SLC39A11: variants seen among roughly 807,000 people sequenced by gnomAD.
SLC39A11 encodes the protein zinc transporter ZIP11.
A neutral mutation model predicts 36.1 loss-of-function variants in SLC39A11; 33 were observed. That is an observed-to-expected ratio of 0.91 (90% CI 0.69 to 1.22). The LOEUF (loss-of-function observed/expected upper bound fraction) is 1.22. Ranked by LOEUF, SLC39A11 falls within the 50% of genes most tolerant of loss-of-function variation. The pLI, the probability that SLC39A11 is intolerant of heterozygous loss-of-function variation, is 0.00. For synonymous variants in SLC39A11, 166 were observed against 170.3 expected, an observed-to-expected ratio of 0.97 and a Z score of 0.20; for missense variants, 432 against 430.3, an observed-to-expected ratio of 1.00 and a Z score of -0.03.
At chr17:72,698,126 G>T (rs2072405608) in intron 7 of SLC39A11, among the ~76,000 whole-genome samples, 1 of 152,160 alleles carries the variant, frequency 6.6e-6, no homozygotes, top group South Asian at 2.1e-4. Context: ...TGGAGGTGGG[G>T]TACTTTTCTA....
chr17:72,983,032 G>C (rs1171582467), intron 4 of SLC39A11, among the ~76,000 whole-genome samples: 1 of 152,080 alleles, frequency 6.6e-6, no homozygotes. Context: ...TAAGAGTAAA[G>C]GACATGAAAC....
chr17:72,910,926 CA>C (rs199741291), intron 5 of SLC39A11, among the ~76,000 whole-genome samples: 205 of 111,954 alleles, frequency 1.8e-3, no homozygotes, highest in Non-Finnish European at 2.5e-3. Context: ...GACTCCACCT[CA>C]AAAAAAAAAA....
intron 5 of SLC39A11, among the ~76,000 whole-genome samples, chr17:72,882,798 T>TCTTTTTTTTTTCTTTTTC (rs2081261336): frequency 8.0e-6 from 1 of 125,670 alleles, no homozygotes; most frequent in Admixed American, 8.2e-5. Flanking sequence ...AGAATGCTTC[T>TCTTTTTTTTTTCTTTTTC]TTTTTTTTTT....
chr17:72,745,606 C>T (rs761071623), intron 6 of SLC39A11, among the ~76,000 whole-genome samples: 73 of 152,146 alleles, frequency 4.8e-4, no homozygotes, highest in Non-Finnish European at 8.2e-4. Flanking sequence ...CACTATTCTC[C>T]GCCCTGTGCC....
At chr17:72,878,686 C>T (rs2081042256) in intron 5 of SLC39A11, among the ~76,000 whole-genome samples, 1 of 152,094 alleles carries the variant, frequency 6.6e-6, no homozygotes, top group African/African-American at 2.4e-5. Context: ...AATATTTTTC[C>T]CTACTCTCAT....
chr17:72,917,099 C>T (rs916991904), intron 5 of SLC39A11, among the ~76,000 whole-genome samples: 3 of 152,174 alleles, frequency 2.0e-5, no homozygotes, highest in Non-Finnish European at 4.4e-5. Flanking sequence ...GGACACCCAG[C>T]GGGGGAAGAA....
At chr17:72,964,628 G>A (rs1368081767) in intron 4 of SLC39A11, among the ~76,000 whole-genome samples, 3 of 152,216 alleles carry the variant, frequency 2.0e-5, no homozygotes, top group Admixed American at 1.3e-4. Context: ...TTGGCCATTA[G>A]TATGAAACCA....
intron 5 of SLC39A11, among the ~76,000 whole-genome samples, chr17:72,921,285 C>T (rs2083655693): frequency 2.0e-5 from 3 of 152,120 alleles, no homozygotes; most frequent in African/African-American, 4.8e-5. Flanking sequence ...GAGTGTGACA[C>T]CGAAGGCGAG....
chr17:72,855,896 CAA>C (rs74402514), intron 5 of SLC39A11, among the ~76,000 whole-genome samples: 7 of 126,878 alleles, frequency 5.5e-5, no homozygotes, highest in Non-Finnish European at 5.1e-5. Flanking sequence ...GAATCCGTCT[CAA>C]AAAAAAAAAA....
At chr17:72,993,965 G>A (rs1288351194) in intron 4 of SLC39A11, among the ~76,000 whole-genome samples, 9 of 152,120 alleles carry the variant, frequency 5.9e-5, no homozygotes, top group Admixed American at 5.9e-4. Context: ...AATCATGGGG[G>A]CGGGTGTTTC....
At chr17:72,710,670 T>C (rs1346869046) in intron 7 of SLC39A11, among the ~76,000 whole-genome samples, 1 of 152,230 alleles carries the variant, frequency 6.6e-6, no homozygotes, top group Non-Finnish European at 1.5e-5. Context: ...TGTAGCAGCA[T>C]GAATGAACTA....
intron 7 of SLC39A11, among the ~76,000 whole-genome samples, chr17:72,726,381 C>T (rs1249403904): frequency 1.3e-5 from 2 of 152,144 alleles, no homozygotes; most frequent in Non-Finnish European, 2.9e-5. Context: ...CTACAGGATG[C>T]ACACCTGGAG....
intron 3 of SLC39A11, among the ~76,000 whole-genome samples, chr17:73,067,195 A>G (rs935641322): frequency 6.6e-6 from 1 of 152,242 alleles, no homozygotes; most frequent in Non-Finnish European, 1.5e-5. Flanking sequence ...ATCAACATTT[A>G]GCTGGGCAAG....
intron 7 of SLC39A11, among the ~76,000 whole-genome samples, chr17:72,726,821 T>C (rs2073951685): frequency 6.6e-6 from 1 of 152,242 alleles, no homozygotes; most frequent in South Asian, 2.1e-4. Flanking sequence ...AACATATATC[T>C]TAAAATTGGT....
intron 6 of SLC39A11, among the ~76,000 whole-genome samples, chr17:72,780,530 GT>G (rs2076280019): frequency 9.0e-5 from 10 of 111,510 alleles, no homozygotes; most frequent in East Asian, 3.0e-4. Context: ...TGGGGGGCGG[GT>G]GGGGGCACAA....
rs139816411 is a variant in SLC39A11 at position 72,849,707 on chromosome 17, C to T, written c.528G>A (p.Leu176=). The T allele has an allele frequency of 3.1e-6, 5 of 1,611,286 alleles. No homozygotes were observed. In the African/African-American group the frequency reaches 5.4e-5, roughly 17 times the overall value. Residue 176 remains leucine (L), a synonymous_variant, in exon 6 of 10, where the codon CTG becomes CTA. Coordinates refer to ENST00000255559, the MANE Select transcript of SLC39A11 (RefSeq NM_139177.4). The part of the protein sequence containing the change: ...PAVPVPSRGN[L]AQPGGSSWRR... ...TCCAGCTGCTGCCGCCGGGCTGTGC[C>T]AGATTCCCTCGAGAAGGCACAGGGA...
chr17:72,772,268 T>C (rs929955476), intron 6 of SLC39A11, among the ~76,000 whole-genome samples: 3 of 152,236 alleles, frequency 2.0e-5, no homozygotes, highest in Non-Finnish European at 4.4e-5. Flanking sequence ...GAGCACTCTG[T>C]GCCACTGCTG....
chr17:72,804,908 C>G (rs1036300765), intron 6 of SLC39A11, among the ~76,000 whole-genome samples: 1 of 151,936 alleles, frequency 6.6e-6, no homozygotes, highest in Non-Finnish European at 1.5e-5. Flanking sequence ...TAATCCCATT[C>G]GGGAGGCTGA....
intron 6 of SLC39A11, among the ~76,000 whole-genome samples, chr17:72,777,373 T>G: frequency 6.6e-6 from 1 of 152,112 alleles, no homozygotes; most frequent in Middle Eastern, 3.2e-3. Flanking sequence ...CCAAAATCCA[T>G]GTCTACTCAA....
Sources: allele counts gnomAD v4.1 joint callset (sites outside exome capture counted in the v4.1 genomes callset), GRCh38; gene constraint gnomAD v4.1.1; transcripts MANE v1.5; gene names NCBI Gene and HGNC (gene_info 2026-07-23, HGNC 2026-07-21).